NT5DC2: variants seen among roughly 807,000 people sequenced by gnomAD.
NT5DC2 encodes 5'-nucleotidase domain containing 2.
In NT5DC2, 41 loss-of-function variants were observed where a neutral mutation model predicts 70.0. The observed-to-expected ratio is 0.59, with a 90% confidence interval of 0.46 to 0.76. The LOEUF is 0.76. Ranked by LOEUF, NT5DC2 falls within the 30% of genes least tolerant of loss-of-function variation. NT5DC2 has a pLI of 0.00. For synonymous variants in NT5DC2, 299 were observed against 310.4 expected (o/e 0.96, Z 0.39); for missense variants, 705 against 783.2 (o/e 0.90, Z 1.19).
upstream of NT5DC2, chr3:52,534,629 G>C: frequency 1.2e-6 from 2 of 1,613,628 alleles, no homozygotes; most frequent in Non-Finnish European, 1.7e-6. Context: ...CCTCTTTCCT[G>C]CGCAGAACCG....
chr3:52,531,593 T>C lies in NT5DC2; in HGVS notation c.232+1913A>G, dbSNP rs1410033071. Among the ~76,000 whole-genome samples, 1 of 147,704 alleles carries C rather than the reference T, an allele frequency of 6.8e-6. No homozygotes were observed. Among genetic ancestry groups the C allele is most frequent in the African/African-American group, 2.5e-5 (1 of 39,802 alleles). On this transcript the variant is annotated intron_variant, in intron 1 of 13. Coordinates refer to ENST00000422318, the MANE Select transcript of NT5DC2 (RefSeq NM_001134231.2). The surrounding 1 kb of genome is among the most constrained non-coding windows in gnomAD (Gnocchi z 4.1). The stretch of plus-strand genomic sequence containing the variant: ...ATGTGGAAACAGCCACAGGGCCTGG[T>C]GGCCTGGCCTGATTTCTAGACTAGA...
intron 10 of NT5DC2, among the ~76,000 whole-genome samples, chr3:52,526,744 C>A (rs748958750): frequency 6.6e-6 from 1 of 152,196 alleles, no homozygotes; most frequent in African/African-American, 2.4e-5. Flanking sequence ...ACCACAGCCT[C>A]GAACTCCTGG....
chr3:52,532,115 C>T lies in NT5DC2; in HGVS notation c.232+1391G>A, dbSNP rs573741264. The T allele has an allele frequency of 2.3e-5, 21 of 932,912 alleles. No homozygotes were observed. In the South Asian group the frequency reaches 4.4e-4, roughly 20 times the overall value. 57.8% of individuals were successfully genotyped at this position (932,912 alleles called of 1,614,324 possible). A position where few individuals can be genotyped will look rare whatever the true frequency, so the allele number is the denominator to read the frequency against. On this transcript the variant is annotated intron_variant, in intron 1 of 13. Coordinates refer to ENST00000422318, the MANE Select transcript of NT5DC2 (RefSeq NM_001134231.2). ...TCAGCCCGTGGGCATTAGCCCAAAG[C>T]GGACCTCGGCGCCCAGAGGTGTGAA...
chr3:52,533,908 G>T, upstream of NT5DC2: 1 of 871,674 alleles, frequency 1.1e-6, no homozygotes, highest in Non-Finnish European at 1.4e-6. Flanking sequence ...CCTCGGCCCG[G>T]GGGGCGGGAG....
intron 1 of NT5DC2, among the ~76,000 whole-genome samples, chr3:52,530,738 T>G (rs1436166680): frequency 6.6e-6 from 1 of 152,214 alleles, no homozygotes; most frequent in African/African-American, 2.4e-5. Context: ...ACAGAATTAC[T>G]AAGACTGTCA....
At chr3:52,525,867 C>T (rs971977556) in intron 10 of NT5DC2, 1 of 153,460 alleles carries the variant, frequency 6.5e-6, no homozygotes, top group Admixed American at 6.5e-5. Context: ...GAATAATTGA[C>T]ACCCAGCAAG....
chr3:52,525,516 G>T, intron 10 of NT5DC2: 1 of 575,386 alleles, frequency 1.7e-6, no homozygotes, highest in African/African-American at 1.9e-5. Flanking sequence ...GCCTGGCATG[G>T]TGCCCATGCC....
At chr3:52,534,731 A>G (rs2079406417), upstream of NT5DC2, 4 of 1,533,506 alleles carry the variant, frequency 2.6e-6, no homozygotes, top group Non-Finnish European at 3.5e-6. Context: ...CCGACCCAGT[A>G]GCCGTGGGCC....
chr3:52,528,141 TTA>T, intron 6 of NT5DC2, 40 bp downstream of exon 6: 1 of 1,612,988 alleles, frequency 6.2e-7, no homozygotes, highest in Non-Finnish European at 8.5e-7. Flanking sequence ...GTGGCTGGAC[TTA>T]GTCTTTCCTG....
chr3:52,534,507 G>T, upstream of NT5DC2: 1 of 1,612,770 alleles, frequency 6.2e-7, no homozygotes, highest in South Asian at 1.1e-5. Context: ...CGCTTGGTTC[G>T]GACCTCGGCA....
chr3:52,524,389 G>A lies in NT5DC2; in HGVS notation c.*81C>T. The A allele has an allele frequency of 6.2e-7, 1 of 1,613,274 alleles. No homozygotes were observed. The highest frequency in any genetic ancestry group is 8.5e-7 in the Non-Finnish European group (1 of 1,179,808). On this transcript the variant is annotated 3_prime_UTR_variant, in exon 14 of 14. Coordinates refer to ENST00000422318, the MANE Select transcript of NT5DC2 (RefSeq NM_001134231.2). Reference sequence around the variant, plus strand: ...GGGGCTGAAAGCAGAAGCATGCACAGGGAGGAGACCACTTTTATTGCTTGT... The same window carrying A: ...GGGGCTGAAAGCAGAAGCATGCACAAGGAGGAGACCACTTTTATTGCTTGT...
chr3:52,534,228 T>C, upstream of NT5DC2: 1 of 466,926 alleles, frequency 2.1e-6, no homozygotes, highest in Non-Finnish European at 3.9e-6. Context: ...TCTGGATGCT[T>C]CTGACCCCAG....
intron 2 of NT5DC2, 58 bp from the exon 3 acceptor site, chr3:52,528,993 G>T (rs976775179): frequency 3.1e-6 from 5 of 1,603,190 alleles, no homozygotes; most frequent in Middle Eastern, 1.6e-4. Context: ...TGCTGGCTGG[G>T]TGGCCACCCC....
In NT5DC2 at chr3:52,525,059, G is replaced by A. The variant is rs752537469; in HGVS notation, c.1251C>T (p.Pro417=). ...RHGWRTGAII[P]ELEREIRIIN... is the part of the protein sequence containing the mutation. ...TGATGCGGATCTCACGCTCCAGCTCGGGGATGATGGCGCCTGTGCGCCAGC... is the reference window on the plus strand; with the variant it reads ...TGATGCGGATCTCACGCTCCAGCTCAGGGATGATGGCGCCTGTGCGCCAGC... Residue 417 remains proline, a synonymous_variant, in exon 12 of 14, where the codon CCC becomes CCT. Coordinates refer to ENST00000422318, the MANE Select transcript of NT5DC2 (RefSeq NM_001134231.2). The A allele has an allele frequency of 2.2e-5, 35 of 1,596,778 alleles. No individual in the cohort carries two copies. Among genetic ancestry groups the A allele is most frequent in the South Asian group, 1.5e-4 (13 of 89,032 alleles).
chr3:52,528,233 G>C lies in NT5DC2; in HGVS notation c.721C>G (p.Leu241Val). Reference sequence around the variant, plus strand: ...TGGTCAAACTCCAGGCTGTGGCCCAGAAAGTAGTCCACCACACAGGACAGC... The same window carrying C: ...TGGTCAAACTCCAGGCTGTGGCCCACAAAGTAGTCCACCACACAGGACAGC... ...ALLSCVVDYF[L>V]GHSLEFDQAH... Residue 241 changes from leucine to valine, a missense_variant, in exon 6 of 14, where the codon CTG (leucine) becomes GTG (valine). Transcript: ENST00000422318. 6.2e-7 allele frequency: 1 copy of C among 1,613,420 alleles called. No individual in the cohort carries two copies.
intron 10 of NT5DC2, 121 bp from the exon 11 acceptor site, chr3:52,525,416 T>G: frequency 2.9e-6 from 2 of 693,802 alleles, no homozygotes; most frequent in Non-Finnish European, 5.1e-6. Flanking sequence ...TCCCATGGCC[T>G]TGCTGCTCCC....
rs561519994 is a variant in NT5DC2 at position 52,533,002 on chromosome 3, G to A, written c.232+504C>T. Among the ~76,000 whole-genome samples the A allele has an allele frequency of 7.9e-5, 12 of 152,296 alleles. No individual in the cohort carries two copies. The South Asian group carries it at 2.5e-3, about 32-fold the overall frequency. On this transcript the variant is annotated intron_variant, in intron 1 of 13. Coordinates refer to ENST00000422318, the MANE Select transcript of NT5DC2 (RefSeq NM_001134231.2). ...TGGCTTCTCCCAGCCTTCGCTGCCC[G>A]GGCTGAGAGGGGGCCGGACCTCCAG...
chr3:52,528,441 A>G lies in NT5DC2; in HGVS notation c.642+5T>C, dbSNP rs753300305. 1.9e-6 allele frequency: 3 copies of G among 1,613,406 alleles called. No homozygotes were observed. Among genetic ancestry groups the G allele is most frequent in the Non-Finnish European group, 2.5e-6 (3 of 1,179,934 alleles). The stretch of plus-strand genomic sequence containing the variant: ...GGGCAGGCTGGCTGCTGGGGTATGG[A>G]GTACCTTGCCATAGAAGCCACTCAT... On this transcript the variant is annotated splice_donor_5th_base_variant and intron_variant, in intron 5 of 13. Coordinates refer to ENST00000422318, the MANE Select transcript of NT5DC2 (RefSeq NM_001134231.2).
intron 10 of NT5DC2, among the ~76,000 whole-genome samples, chr3:52,526,678 A>AAGAC (rs1446630180): frequency 2.6e-5 from 4 of 152,118 alleles, no homozygotes; most frequent in African/African-American, 4.8e-5. Context: ...TTGTTTTTTG[A>AAGAC]AGACAGGGTC....
Sources: allele counts gnomAD v4.1 joint callset (sites outside exome capture counted in the v4.1 genomes callset), GRCh38; gene constraint gnomAD v4.1.1; non-coding constraint Gnocchi (gnomAD v3.1); transcripts MANE v1.5; gene names NCBI Gene and HGNC (gene_info 2026-07-23, HGNC 2026-07-21).